CTSS: variants seen among roughly 807,000 people sequenced by gnomAD.
The protein encoded by CTSS is cathepsin S.
A neutral mutation model predicts 39.9 loss-of-function variants in CTSS; 15 were observed. The observed-to-expected ratio is 0.38, with a 90% CI of 0.25 to 0.58. The LOEUF (loss-of-function observed/expected upper bound fraction) is 0.58. Among genes scored for constraint, CTSS ranks in the 20% least tolerant of loss-of-function variants. CTSS has a pLI of 0.70. For synonymous variants in CTSS, 126 were observed against 138.2 expected (o/e 0.91, Z 0.62); for missense variants, 250 against 398.2 (o/e 0.63, Z 3.17).
Position 150,740,297 on chromosome 1 carries a change from T to C in CTSS, c.897-7152A>G, listed in dbSNP as rs6657647. Among the ~76,000 whole-genome samples, 490 of 152,354 alleles carry C rather than the reference T, an allele frequency of 3.2e-3. 4 individuals are homozygous for C. Among genetic ancestry groups the C allele is most frequent in the African/African-American group, 0.011 (468 of 41,588 alleles). ...GAAACAATTCTAAGTGAATGGGGTA[T>C]GAAGGAGATAGTATTTGAGGCAGGA... On this transcript the variant is annotated intron_variant, in intron 7 of 7. Coordinates refer to ENST00000368985, the MANE Select transcript of CTSS (RefSeq NM_004079.5).
At chr1:150,733,263 A>G (rs990717993) in intron 7 of CTSS, 118 bp from the exon 8 acceptor site, 74 of 665,188 alleles carry the variant, frequency 1.1e-4, no homozygotes, top group Non-Finnish European at 1.7e-4. Context: ...GTAAAACAAA[A>G]TTAGAATGAA....
At position 150,747,774 on chromosome 1, in the gene CTSS, T is replaced by C; in HGVS notation, c.896+3A>G. On this transcript the variant is annotated splice_donor_region_variant and intron_variant, in intron 7 of 7. Transcript: ENST00000368985. ...AATTAAATATAAAGTGTAAATATAT[T>C]ACCTGTTTTTCACAAGCCAGTATTC... is the stretch of plus-strand genomic sequence containing the variant. 1 of 1,582,322 alleles carries C rather than the reference T, an allele frequency of 6.3e-7. No homozygotes were observed. The highest frequency in any genetic ancestry group is 8.7e-7 in the Non-Finnish European group (1 of 1,151,882).
intron 3 of CTSS, 128 bp from the exon 4 acceptor site, chr1:150,755,278 G>A: frequency 7.0e-6 from 7 of 1,003,642 alleles, no homozygotes; most frequent in South Asian, 5.9e-5. Flanking sequence ...GAGCGTATTG[G>A]CTCCTACATA....
At chr1:150,764,463 C>G (rs971502153) in intron 2 of CTSS, among the ~76,000 whole-genome samples, 175 bp downstream of exon 2, 5 of 152,140 alleles carry the variant, frequency 3.3e-5, no homozygotes, top group Admixed American at 2.0e-4. Flanking sequence ...GTCTCGAACT[C>G]CTGACCTCAG....
At chr1:150,737,174 C>T (rs1652653704) in intron 7 of CTSS, among the ~76,000 whole-genome samples, 1 of 152,142 alleles carries the variant, frequency 6.6e-6, no homozygotes, top group Admixed American at 6.6e-5. Context: ...ACAACCTCGC[C>T]TCACTGCAAC....
chr1:150,745,874 G>T (rs1652883631), intron 7 of CTSS, among the ~76,000 whole-genome samples: 1 of 151,902 alleles, frequency 6.6e-6, no homozygotes. Context: ...TAAACTCAAG[G>T]TATACAGTGT....
intron 7 of CTSS, among the ~76,000 whole-genome samples, chr1:150,734,689 A>G (rs1652597746): frequency 6.6e-6 from 1 of 152,154 alleles, no homozygotes; most frequent in African/African-American, 2.4e-5. Flanking sequence ...TGTCACCATT[A>G]TGTTGTAAAA....
chr1:150,757,959 G>C lies in CTSS; in HGVS notation c.148C>G (p.Leu50Val). Residue 50 changes from leucine to valine, a missense_variant, in exon 3 of 8, where the codon CTC becomes GTC. Leu to Val is a conservative substitution (Grantham distance 32). Coordinates refer to ENST00000368985, the MANE Select transcript of CTSS (RefSeq NM_004079.5). Reference protein sequence around the residue: ...KEKNEEAVRRLIWEKNLKFVM... With the variant: ...KEKNEEAVRRVIWEKNLKFVM... ...AACTTTAGATTCTTTTCCCAGATGA[G>C]ACGTCGTACTGCTTCTTCATTCTAA... 6.2e-7 allele frequency: 1 copy of C among 1,613,900 alleles called. No individual in the cohort carries two copies. The highest frequency in any genetic ancestry group is 1.3e-5 in the African/African-American group (1 of 75,020).
At chr1:150,737,983 A>G (rs1279398643) in intron 7 of CTSS, among the ~76,000 whole-genome samples, 1 of 152,178 alleles carries the variant, frequency 6.6e-6, no homozygotes, top group Admixed American at 6.5e-5. Context: ...AGGGGAGAGT[A>G]GTTGGAGAGG....
intron 7 of CTSS, among the ~76,000 whole-genome samples, chr1:150,742,427 T>C (rs1652788177): frequency 6.6e-6 from 1 of 152,104 alleles, no homozygotes; most frequent in Non-Finnish European, 1.5e-5. Flanking sequence ...ACTTAGGGAA[T>C]GATGAATAAG....
Position 150,751,931 on chromosome 1 carries a change from C to T in CTSS, c.477G>A (p.Leu159=). Residue 159 remains leucine, a synonymous_variant, in exon 5 of 8, where the codon CTG becomes CTA. Transcript: ENST00000368985. ...EAQLKLKTGK[L]VSLSAQNLVD... is the part of the protein sequence containing the mutation. ...CCAGGTTCTGGGCACTGAGAGACAC[C>T]AGCTTTCCTGTTTTCAGCTTCAGCT... The T allele has an allele frequency of 6.2e-7, 1 of 1,614,170 alleles. No homozygotes were observed. The highest frequency in any genetic ancestry group is 1.1e-5 in the South Asian group (1 of 91,082).
intron 5 of CTSS, 71 bp from the exon 6 acceptor site, chr1:150,750,242 G>T: frequency 8.1e-7 from 1 of 1,233,846 alleles, no homozygotes; most frequent in Non-Finnish European, 1.1e-6. Flanking sequence ...TCCTAAGCCT[G>T]GATTTTAAAT....
At chr1:150,757,716 C>T (rs1035347499) in intron 3 of CTSS, 142 bp downstream of exon 3, 36 of 665,782 alleles carry the variant, frequency 5.4e-5, no homozygotes, top group African/African-American at 4.5e-4. Flanking sequence ...CACGTTCTTA[C>T]GTCCTTCAAT....
intron 3 of CTSS, 25 bp downstream of exon 3, chr1:150,757,833 G>T (rs762287523): frequency 6.2e-7 from 1 of 1,603,502 alleles, no homozygotes; most frequent in Non-Finnish European, 8.5e-7. Flanking sequence ...AGACGTGAAA[G>T]TGGGATTTCT....
At chr1:150,752,957 G>A (rs922946398) in intron 4 of CTSS, among the ~76,000 whole-genome samples, 1 of 152,070 alleles carries the variant, frequency 6.6e-6, no homozygotes, top group Non-Finnish European at 1.5e-5. Context: ...AGGCTCAAGC[G>A]ATCCTCCCAT....
At chr1:150,744,833 T>C (rs1652860447) in intron 7 of CTSS, among the ~76,000 whole-genome samples, 2 of 151,512 alleles carry the variant, frequency 1.3e-5, no homozygotes, top group Non-Finnish European at 2.9e-5. Context: ...AGATGCCTAG[T>C]AAGTGCTTGT....
At chr1:150,735,324 C>G (rs954993232) in intron 7 of CTSS, among the ~76,000 whole-genome samples, 1 of 152,140 alleles carries the variant, frequency 6.6e-6, no homozygotes, top group Non-Finnish European at 1.5e-5. Context: ...TTTTGCAGGT[C>G]CTATTTTTTT....
chr1:150,744,718 A>G (rs1326559264), intron 7 of CTSS, among the ~76,000 whole-genome samples: 5 of 143,342 alleles, frequency 3.5e-5, no homozygotes, highest in South Asian at 2.2e-4. Context: ...TATATAATAT[A>G]TATTATATAT....
intron 5 of CTSS, among the ~76,000 whole-genome samples, chr1:150,751,393 A>G (rs1268702775): frequency 1.3e-5 from 2 of 151,764 alleles, no homozygotes; most frequent in Non-Finnish European, 2.9e-5. Flanking sequence ...GACCACAGGC[A>G]TGCACCACCA....
Sources: allele counts gnomAD v4.1 joint callset (sites outside exome capture counted in the v4.1 genomes callset), GRCh38; gene constraint gnomAD v4.1.1; transcripts MANE v1.5; gene names NCBI Gene and HGNC (gene_info 2026-07-23, HGNC 2026-07-21).